Variants in GTF2A1L observed in about 807,000 individuals in gnomAD.
The protein encoded by GTF2A1L is TFIIA-alpha and beta-like factor.
Under a neutral mutation model 49.7 loss-of-function variants are expected in GTF2A1L, and 48 were observed. That is an observed-to-expected ratio of 0.97 (90% CI 0.77 to 1.23). The LOEUF is 1.23. Among genes scored for constraint, GTF2A1L ranks in the 50% most tolerant of loss-of-function variants. GTF2A1L has a pLI of 0.00. For synonymous variants in GTF2A1L, 246 were observed against 193.5 expected (o/e 1.27, Z -2.25); for missense variants, 736 against 564.8 (o/e 1.30, Z -3.07).
At chr2:48,676,850 A>G (rs1051147556) in intron 8 of GTF2A1L, among the ~76,000 whole-genome samples, 6 of 150,906 alleles carry the variant, frequency 4.0e-5, no homozygotes, top group African/African-American at 1.2e-4. Context: ...ATCTATATCT[A>G]TATCTATATA....
chr2:48,641,085 T>C (rs937622713), intron 3 of GTF2A1L, among the ~76,000 whole-genome samples: 1 of 152,178 alleles, frequency 6.6e-6, no homozygotes, highest in Non-Finnish European at 1.5e-5. Context: ...AGGATGATTG[T>C]TGCTATTTTT....
chr2:48,667,857 A>G (rs571593555), intron 6 of GTF2A1L, among the ~76,000 whole-genome samples: 2 of 152,312 alleles, frequency 1.3e-5, no homozygotes, highest in Non-Finnish European at 2.9e-5. Context: ...TTGTATCTTA[A>G]GTTATTGAGA....
At chr2:48,673,576 A>T in intron 8 of GTF2A1L, among the ~76,000 whole-genome samples, 1 of 151,830 alleles carries the variant, frequency 6.6e-6, no homozygotes, top group Non-Finnish European at 1.5e-5. Flanking sequence ...GTTAGCCAGG[A>T]TGGTCTGGAT....
chr2:48,673,121 C>T (rs541386599), intron 8 of GTF2A1L, among the ~76,000 whole-genome samples: 19 of 152,182 alleles, frequency 1.2e-4, no homozygotes, highest in Admixed American at 5.9e-4. Context: ...ACATATATCA[C>T]GTCTTCGTTT....
intron 6 of GTF2A1L, among the ~76,000 whole-genome samples, chr2:48,661,675 A>G (rs1678507847): frequency 6.7e-6 from 1 of 150,144 alleles, no homozygotes; most frequent in South Asian, 2.1e-4. Flanking sequence ...TTTTTAAATA[A>G]CAGTTTTTGA....
At position 48,629,138 on chromosome 2, in the gene GTF2A1L, G is replaced by A. The variant is rs1375048806; in HGVS notation, c.247+7848G>A. Among the ~76,000 whole-genome samples, 3 of 142,976 alleles carry A rather than the reference G, an allele frequency of 2.1e-5. 1 individual carries two copies. Among genetic ancestry groups the A allele is most frequent in the Non-Finnish European group, 4.7e-5 (3 of 63,554 alleles). 93.8% of individuals were successfully genotyped at this position (142,976 alleles called of 152,430 possible). Reference sequence around the variant, plus strand: ...TGCCTGTAATCCCAGCTGCTCAGGAGGCTGAGGCAGGAGAATTGCTTGAAC... The same window carrying A: ...TGCCTGTAATCCCAGCTGCTCAGGAAGCTGAGGCAGGAGAATTGCTTGAAC... On this transcript the variant is annotated intron_variant, in intron 3 of 8. Transcript: ENST00000403751.
intron 8 of GTF2A1L, among the ~76,000 whole-genome samples, chr2:48,675,404 G>C (rs139446230): frequency 6.6e-6 from 1 of 151,988 alleles, no homozygotes; most frequent in East Asian, 1.9e-4. Flanking sequence ...ATTTGGATTT[G>C]ATTAACAGAT....
chr2:48,634,247 G>A (rs960428552), intron 3 of GTF2A1L, among the ~76,000 whole-genome samples: 3 of 152,134 alleles, frequency 2.0e-5, no homozygotes, highest in African/African-American at 7.2e-5. Context: ...GAGTAGCTGG[G>A]ATGGCAGGCG....
At chr2:48,649,129 T>A (rs141110827) in intron 6 of GTF2A1L, among the ~76,000 whole-genome samples, 22 of 152,306 alleles carry the variant, frequency 1.4e-4, no homozygotes, top group Admixed American at 3.9e-4. Context: ...TCTGTTCTAT[T>A]TTCTTTGTCT....
rs191334757 is a variant in GTF2A1L at position 48,625,831 on chromosome 2, C to G, written c.247+4541C>G. ...CTCTTGGAATGAAGCAATCCTCCTG[C>G]CTCGGCCTCCCAAAGTGCTGGGATT... On this transcript the variant is annotated intron_variant, in intron 3 of 8. Coordinates refer to ENST00000403751, the MANE Select transcript of GTF2A1L (RefSeq NM_006872.5). 1.1e-3 allele frequency among the ~76,000 whole-genome samples: 153 copies of G among 143,844 alleles called. 5 individuals carry two copies. Among genetic ancestry groups the G allele is most frequent in the African/African-American group, 3.7e-3 (149 of 40,478 alleles). 94.4% of individuals were successfully genotyped at this position (143,844 alleles called of 152,430 possible).
chr2:48,645,655 G>A (rs1434681108), intron 5 of GTF2A1L, among the ~76,000 whole-genome samples: 1 of 152,108 alleles, frequency 6.6e-6, no homozygotes, highest in Non-Finnish European at 1.5e-5. Flanking sequence ...TCAAAAATAA[G>A]TCCTTTTTTT....
At chr2:48,639,145 A>T (rs1677066369) in intron 3 of GTF2A1L, among the ~76,000 whole-genome samples, 1 of 152,214 alleles carries the variant, frequency 6.6e-6, no homozygotes, top group South Asian at 2.1e-4. Context: ...GTACAGATGC[A>T]ATGCTATTCC....
chr2:48,672,780 A>C (rs536056573), intron 8 of GTF2A1L, among the ~76,000 whole-genome samples: 1 of 152,230 alleles, frequency 6.6e-6, no homozygotes, highest in African/African-American at 2.4e-5. Flanking sequence ...TTTGAGATAT[A>C]ATGAACATAG....
intron 3 of GTF2A1L, among the ~76,000 whole-genome samples, chr2:48,637,851 A>G (rs1261428568): frequency 6.6e-6 from 1 of 152,100 alleles, no homozygotes; most frequent in Non-Finnish European, 1.5e-5. Flanking sequence ...CTAGACTAAT[A>G]AAGAGAGAAG....
intron 6 of GTF2A1L, among the ~76,000 whole-genome samples, chr2:48,654,689 AT>A (rs924591331): frequency 3.8e-4 from 57 of 151,308 alleles, no homozygotes; most frequent in Non-Finnish European, 6.1e-4. Flanking sequence ...TGGATAGCTC[AT>A]TTTTTTTTAC....
chr2:48,619,476 A>AT, intron 1 of GTF2A1L, among the ~76,000 whole-genome samples: 1 of 151,250 alleles, frequency 6.6e-6, no homozygotes, highest in African/African-American at 2.4e-5. Flanking sequence ...TCTCAAAAAA[A>AT]AAAAAATAAT....
At chr2:48,670,479 G>C (rs1381201199) in intron 7 of GTF2A1L, among the ~76,000 whole-genome samples, 3 of 152,098 alleles carry the variant, frequency 2.0e-5, no homozygotes, top group Non-Finnish European at 2.9e-5. Flanking sequence ...CTTCTGTATT[G>C]GTCTTAACTA....
Position 48,646,532 on chromosome 2 carries a change from G to T in GTF2A1L, c.468G>T (p.Gln156His). Residue 156 changes from glutamine (Q) to histidine (H), a missense_variant, in exon 6 of 9, where the codon CAG becomes CAT. Physicochemically the swap from Gln to His is conservative, Grantham distance 24. Transcript: ENST00000403751. ...GRAGILQHPI[Q>H]QVFQQLGQPS... ...CAGGTATTCTTCAGCATCCAATTCA[G>T]CAAGTATTTCAACAGCTTGGCCAGC... 3 of 1,614,088 alleles carry T rather than the reference G, an allele frequency of 1.9e-6. No individual in the cohort carries two copies. The highest frequency in any genetic ancestry group is 2.5e-6 in the Non-Finnish European group (3 of 1,180,026).
chr2:48,620,885 T>A lies in GTF2A1L; in HGVS notation c.56T>A (p.Ile19Asn). 6.2e-7 allele frequency: 1 copy of A among 1,602,424 alleles called. No homozygotes were observed. The highest frequency in any genetic ancestry group is 1.1e-5 in the South Asian group (1 of 88,866). The change falls in exon 2 of 9, where the codon ATT becomes AAT. Residue 19 changes from isoleucine to asparagine, a missense_variant. Physicochemically the swap from Ile to Asn is moderately radical, Grantham distance 149. Transcript: ENST00000403751. The stretch of plus-strand genomic sequence containing the variant: ...TACAGATCTGTAATTGAAGATGTAA[T>A]TGAAGGAGTTCGGAATCTATTTGCT... ...KLYRSVIEDV[I>N]EGVRNLFAEE...
Sources: allele counts gnomAD v4.1 joint callset (sites outside exome capture counted in the v4.1 genomes callset), GRCh38; gene constraint gnomAD v4.1.1; transcripts MANE v1.5; gene names NCBI Gene and HGNC (gene_info 2026-07-23, HGNC 2026-07-21).